ETV6: variants seen among roughly 807,000 people sequenced by gnomAD.
ETV6 encodes ETS variant transcription factor 6, also known as transcription factor ETV6.
Under a neutral mutation model 51.1 loss-of-function variants are expected in ETV6, and 16 were observed. The ratio of observed to expected loss-of-function variants is 0.31; its 90% confidence interval spans 0.21 to 0.48. The LOEUF (loss-of-function observed/expected upper bound fraction) is 0.48, where lower values mean the gene tolerates loss of function less well. Among genes scored for constraint, ETV6 ranks in the 20% least tolerant of loss-of-function variants. The probability of loss-of-function intolerance (pLI) is 0.99; values close to 1 mark genes in which losing one functional copy is unlikely to be tolerated. For synonymous variants in ETV6, 240 were observed against 224.1 expected (o/e 1.07, Z -0.64); for missense variants, 458 against 594.8 (o/e 0.77, Z 2.39).
At chr12:11,886,727 T>A (rs574414915) in intron 7 of ETV6, among the ~76,000 whole-genome samples, 1 of 152,322 alleles carries the variant, frequency 6.6e-6, no homozygotes, top group Admixed American at 6.5e-5. Flanking sequence ...ACATAGATTG[T>A]AATTCCAAGT....
chr12:11,681,843 G>A (rs1320917313), intron 1 of ETV6, among the ~76,000 whole-genome samples: 1 of 152,158 alleles, frequency 6.6e-6, no homozygotes, highest in Non-Finnish European at 1.5e-5. Context: ...TCCTGTGTTA[G>A]TTTGCTGAGA....
At chr12:11,734,170 T>G (rs1865657446) in intron 1 of ETV6, among the ~76,000 whole-genome samples, 1 of 152,214 alleles carries the variant, frequency 6.6e-6, no homozygotes, top group Non-Finnish European at 1.5e-5. Context: ...AAAAACAGTT[T>G]GCAGAGGCAC....
At chr12:11,870,708 T>C (rs1378802757) in intron 5 of ETV6, among the ~76,000 whole-genome samples, 1 of 152,224 alleles carries the variant, frequency 6.6e-6, no homozygotes, top group Non-Finnish European at 1.5e-5. Flanking sequence ...GCACCTGCTG[T>C]GTACAAATAA....
intron 2 of ETV6, among the ~76,000 whole-genome samples, chr12:11,771,827 C>CTTTAATCT (rs1945245160): frequency 6.6e-6 from 1 of 152,192 alleles, no homozygotes; most frequent in Non-Finnish European, 1.5e-5. Context: ...TTTAATCAGA[C>CTTTAATCT]TTGCATAGCA....
chr12:11,821,096 C>T (rs1179674925), intron 2 of ETV6, among the ~76,000 whole-genome samples: 3 of 152,168 alleles, frequency 2.0e-5, no homozygotes, highest in Admixed American at 6.5e-5. Flanking sequence ...GGCACGGTGG[C>T]TCACGCCTGT....
intron 1 of ETV6, among the ~76,000 whole-genome samples, chr12:11,727,284 A>G (rs984892082): frequency 6.6e-6 from 1 of 152,260 alleles, no homozygotes; most frequent in Non-Finnish European, 1.5e-5. Flanking sequence ...TAACGCAGAC[A>G]TGCCCGGCAT....
chr12:11,659,272 C>T (rs563042399), intron 1 of ETV6, among the ~76,000 whole-genome samples: 1 of 152,260 alleles, frequency 6.6e-6, no homozygotes, highest in South Asian at 2.1e-4. Context: ...GACCTAAATT[C>T]GATCCTAAGT....
intron 2 of ETV6, among the ~76,000 whole-genome samples, chr12:11,757,661 C>T (rs1250721763): frequency 3.0e-4 from 46 of 152,186 alleles, no homozygotes; most frequent in South Asian, 2.1e-4. Flanking sequence ...CTTGAAACCA[C>T]CTTTCAGCTT....
intron 1 of ETV6, among the ~76,000 whole-genome samples, chr12:11,700,107 A>C (rs1010628566): frequency 1.3e-5 from 2 of 152,168 alleles, no homozygotes; most frequent in African/African-American, 4.8e-5. Context: ...TGAGGCCTGG[A>C]ACATTGGAGG....
chr12:11,883,272 T>A (rs1196094383), intron 5 of ETV6, among the ~76,000 whole-genome samples: 21 of 29,044 alleles, frequency 7.2e-4, no homozygotes, highest in Admixed American at 5.0e-3. Context: ...CATCATGTCT[T>A]CTTCTTTTTT....
At chr12:11,812,094 A>G (rs1945922235) in intron 2 of ETV6, among the ~76,000 whole-genome samples, 1 of 152,260 alleles carries the variant, frequency 6.6e-6, no homozygotes, top group Non-Finnish European at 1.5e-5. Context: ...ACTGTAAAAT[A>G]TGCTACATGT....
chr12:11,725,477 T>C (rs1865470992), intron 1 of ETV6, among the ~76,000 whole-genome samples: 1 of 152,160 alleles, frequency 6.6e-6, no homozygotes, highest in Non-Finnish European at 1.5e-5. Flanking sequence ...CAATATATAT[T>C]TTAAAAATTT....
intron 1 of ETV6, among the ~76,000 whole-genome samples, chr12:11,703,793 A>G (rs1865026352): frequency 6.6e-6 from 1 of 152,220 alleles, no homozygotes; most frequent in Non-Finnish European, 1.5e-5. Flanking sequence ...TTTGAACCAA[A>G]TAATCTTAAT....
At chr12:11,811,953 C>T (rs968249682) in intron 2 of ETV6, among the ~76,000 whole-genome samples, 2 of 152,176 alleles carry the variant, frequency 1.3e-5, no homozygotes, top group Non-Finnish European at 2.9e-5. Flanking sequence ...GAATCACCTA[C>T]TTAAGAATTT....
chr12:11,835,514 G>T (rs951537817), intron 2 of ETV6, among the ~76,000 whole-genome samples: 1 of 152,222 alleles, frequency 6.6e-6, no homozygotes, highest in Non-Finnish European at 1.5e-5. Context: ...TGTGAGCCGT[G>T]TAAGACTCTC....
At chr12:11,848,409 C>T (rs1946496376) in intron 3 of ETV6, among the ~76,000 whole-genome samples, 1 of 152,208 alleles carries the variant, frequency 6.6e-6, no homozygotes, top group South Asian at 2.1e-4. Flanking sequence ...TTTAACCCCC[C>T]TCAACAGCAT....
At chr12:11,701,889 G>T (rs925269655) in intron 1 of ETV6, among the ~76,000 whole-genome samples, 11 of 152,224 alleles carry the variant, frequency 7.2e-5, no homozygotes, top group African/African-American at 2.7e-4. Context: ...AGAAGAAAAG[G>T]ATGGTGTTCC....
intron 1 of ETV6, among the ~76,000 whole-genome samples, chr12:11,690,593 A>C (rs1216015433): frequency 1.3e-5 from 2 of 152,036 alleles, no homozygotes; most frequent in East Asian, 3.9e-4. Flanking sequence ...TCTGTCTCTA[A>C]AAAAGATAGA....
rs568964019 is a variant in ETV6 at position 11,659,991 on chromosome 12, A to G, written c.33+9831A>G. 2.6e-5 allele frequency among the ~76,000 whole-genome samples: 4 copies of G among 152,352 alleles called. No individual in the cohort carries two copies. In the East Asian group the frequency reaches 5.8e-4, roughly 22 times the overall value. On this transcript the variant is annotated intron_variant, in intron 1 of 7. Coordinates refer to ENST00000396373, the MANE Select transcript of ETV6 (RefSeq NM_001987.5). Reference sequence around the variant, plus strand: ...CTAGATAGAAGGAATGTGTTATAGTATTCATTAGTATAATAGGGAAATTAG... The same window carrying G: ...CTAGATAGAAGGAATGTGTTATAGTGTTCATTAGTATAATAGGGAAATTAG...
Sources: allele counts gnomAD v4.1 joint callset (sites outside exome capture counted in the v4.1 genomes callset), GRCh38; gene constraint gnomAD v4.1.1; transcripts MANE v1.5; gene names NCBI Gene and HGNC (gene_info 2026-07-23, HGNC 2026-07-21).